The following NRG1 variants were observed in gnomAD, a reference collection of about 807,000 sequenced individuals.
The protein encoded by NRG1 is neuregulin 1.
A neutral mutation model predicts 63.8 loss-of-function variants in NRG1; 18 were observed. The ratio of observed to expected loss-of-function variants is 0.28; its 90% CI spans 0.19 to 0.42. NRG1 has a LOEUF of 0.42. Ranked by LOEUF, NRG1 falls within the 10% of genes least tolerant of loss-of-function variation. The pLI is 1.00. For missense variants in NRG1, 762 were observed against 814.7 expected, an observed-to-expected ratio of 0.94 and a Z score of 0.79; for synonymous variants, 302 against 301.3, an observed-to-expected ratio of 1.00 and a Z score of -0.02.
chr8:31,970,510 T>C (rs2129628691), intron 1 of NRG1, among the ~76,000 whole-genome samples: 1 of 152,272 alleles, frequency 6.6e-6, no homozygotes, highest in Non-Finnish European at 1.5e-5. Flanking sequence ...TTCAGGAAGT[T>C]CTCAGGTGTC....
intron 1 of NRG1, among the ~76,000 whole-genome samples, chr8:32,323,422 T>C (rs754983655): frequency 7.2e-5 from 11 of 152,156 alleles, no homozygotes; most frequent in Middle Eastern, 3.2e-3. Context: ...TTAGAGCCTA[T>C]AGGGTGGAAA....
At chr8:32,756,477 C>T (rs1183676405) in exon 9 of NRG1, 7 of 1,613,656 alleles carry the variant, frequency 4.3e-6, no homozygotes, top group East Asian at 4.5e-5. Context: ...ATGAACATTG[C>T]CAATGGGCCT....
chr8:31,838,895 G>C (rs17604481), intron 1 of NRG1, among the ~76,000 whole-genome samples: 1 of 151,918 alleles, frequency 6.6e-6, no homozygotes, highest in Non-Finnish European at 1.5e-5. Context: ...TTCTTTCTCT[G>C]ATATAATTGT....
At chr8:32,362,243 T>C (rs1807316030) in intron 1 of NRG1, among the ~76,000 whole-genome samples, 1 of 152,218 alleles carries the variant, frequency 6.6e-6, no homozygotes, top group African/African-American at 2.4e-5. Context: ...TCCCTGATGG[T>C]TTATAATCTT....
intron 1 of NRG1, among the ~76,000 whole-genome samples, chr8:32,492,950 C>T (rs1197906977): frequency 6.6e-6 from 1 of 152,044 alleles, no homozygotes; most frequent in Non-Finnish European, 1.5e-5. Context: ...ACCATAGTGT[C>T]ATAATGAAAA....
chr8:31,704,198 T>C (rs865846802), intron 1 of NRG1, among the ~76,000 whole-genome samples: 12 of 152,340 alleles, frequency 7.9e-5, no homozygotes, highest in African/African-American at 2.9e-4. Context: ...TGAAATCTAG[T>C]TTAGGAATTC....
chr8:32,768,679 A>T (rs965426045), downstream of NRG1, among the ~76,000 whole-genome samples: 1 of 152,230 alleles, frequency 6.6e-6, no homozygotes, highest in Non-Finnish European at 1.5e-5. Context: ...AACAAAAGCC[A>T]TATTTTAACA....
chr8:32,566,570 T>A (rs1837493714), intron 1 of NRG1, among the ~76,000 whole-genome samples: 1 of 152,124 alleles, frequency 6.6e-6, no homozygotes, highest in Admixed American at 6.5e-5. Flanking sequence ...TGTCCAGGTA[T>A]TTTGCGTCTA....
At chr8:31,891,147 T>C (rs1831115025) in intron 1 of NRG1, among the ~76,000 whole-genome samples, 1 of 152,200 alleles carries the variant, frequency 6.6e-6, no homozygotes, top group Non-Finnish European at 1.5e-5. Context: ...GAAATGTTGA[T>C]AATTTGGACT....
intron 1 of NRG1, among the ~76,000 whole-genome samples, chr8:32,437,719 C>G (rs1818966422): frequency 6.6e-6 from 1 of 152,064 alleles, no homozygotes; most frequent in South Asian, 2.1e-4. Context: ...TTTTAATTAC[C>G]AACATAACAC....
intron 1 of NRG1, among the ~76,000 whole-genome samples, chr8:31,850,909 C>T (rs1221453893): frequency 7.9e-5 from 12 of 152,132 alleles, no homozygotes; most frequent in African/African-American, 2.7e-4. Context: ...TTGACAAAAC[C>T]GGATTAGTGC....
chr8:32,080,223 C>T (rs1030948078), intron 1 of NRG1, among the ~76,000 whole-genome samples: 14 of 152,134 alleles, frequency 9.2e-5, no homozygotes, highest in African/African-American at 3.4e-4. Flanking sequence ...GATTATTTGT[C>T]TCATATTTTA....
At chr8:31,744,912 G>A (rs1815694347) in intron 1 of NRG1, among the ~76,000 whole-genome samples, 1 of 151,952 alleles carries the variant, frequency 6.6e-6, no homozygotes, top group African/African-American at 2.4e-5. Flanking sequence ...GCTTAGCAAA[G>A]AGTCCTTAGA....
At chr8:32,093,889 T>C (rs181000682) in intron 1 of NRG1, among the ~76,000 whole-genome samples, 187 of 152,324 alleles carry the variant, frequency 1.2e-3, no homozygotes, top group African/African-American at 4.4e-3. Context: ...TGTACCTCTC[T>C]TGAAATTCTT....
chr8:32,280,756 ATTTTTT>A (rs577848038), intron 1 of NRG1, among the ~76,000 whole-genome samples: 12 of 31,878 alleles, frequency 3.8e-4, no homozygotes, highest in East Asian at 1.8e-3. Flanking sequence ...TTGTCCTTTC[ATTTTTT>A]TTTTTTTTTT....
chr8:32,586,817 C>T (rs537339572), intron 1 of NRG1, among the ~76,000 whole-genome samples: 2 of 152,170 alleles, frequency 1.3e-5, no homozygotes, highest in South Asian at 2.1e-4. Context: ...AGTAATTTTG[C>T]GGATATGTAG....
chr8:31,947,306 C>CAAAAAAAAAAAAAAAAAAAAA (rs61713691), intron 1 of NRG1, among the ~76,000 whole-genome samples: 1 of 132,676 alleles, frequency 7.5e-6, no homozygotes, highest in African/African-American at 3.2e-5. Flanking sequence ...GACTCCGTCT[C>CAAAAAAAAAAAAAAAAAAAAA]AAAAAAAAAA....
At position 32,120,859 on chromosome 8, in the gene NRG1, A is replaced by G. The variant is rs1283348766; in HGVS notation, c.38-474969A>G. 5.3e-5 allele frequency among the ~76,000 whole-genome samples: 8 copies of G among 152,156 alleles called. No individual in the cohort carries two copies. The South Asian group carries it at 1.5e-3, about 28-fold the overall frequency. On this transcript the variant is annotated intron_variant, in intron 1 of 10. Transcript: ENST00000519301. ...TGTTGTAGTTGATCTCATTTTCTCTAGCACAGTGTCCCTTTTTGAATGTTC... is the reference window on the plus strand; with the variant it reads ...TGTTGTAGTTGATCTCATTTTCTCTGGCACAGTGTCCCTTTTTGAATGTTC...
At chr8:32,395,695 C>T (rs1195547488) in intron 1 of NRG1, among the ~76,000 whole-genome samples, 1 of 151,740 alleles carries the variant, frequency 6.6e-6, no homozygotes, top group East Asian at 1.9e-4. Flanking sequence ...CTTACCTTTA[C>T]ATTCCCTTAC....
Sources: gnomAD v4.1 joint callset for allele counts (sites outside exome capture counted in the v4.1 genomes callset) on GRCh38, gnomAD v4.1.1 for gene constraint, MANE v1.5 for transcripts, NCBI Gene and HGNC (gene_info 2026-07-23, HGNC 2026-07-21) for gene names.